Variants in MKNK1 observed in about 807,000 individuals in gnomAD.
The protein encoded by MKNK1 is MAP kinase-interacting serine/threonine-protein kinase 1.
A neutral mutation model predicts 49.3 loss-of-function variants in MKNK1; 30 were observed. The observed-to-expected ratio is 0.61, with a 90% confidence interval of 0.46 to 0.83. The LOEUF is 0.83. Among genes scored for constraint, MKNK1 ranks in the 40% least tolerant of loss-of-function variants. The probability of loss-of-function intolerance (pLI) is 0.00; values close to 1 mark genes in which losing one functional copy is unlikely to be tolerated. For synonymous variants in MKNK1, 176 were observed against 201.7 expected, an observed-to-expected ratio of 0.87 and a Z score of 1.08; for missense variants, 423 against 524.7, an observed-to-expected ratio of 0.81 and a Z score of 1.89.
chr1:46,578,343 C>G (rs1247991735), intron 4 of MKNK1, among the ~76,000 whole-genome samples: 1 of 152,082 alleles, frequency 6.6e-6, no homozygotes, highest in Non-Finnish European at 1.5e-5. Flanking sequence ...AGTAGCCCAT[C>G]TCTAGGGAGC....
In MKNK1 at chr1:46,580,536, G is replaced by A. The variant is rs1213044747; in HGVS notation, c.192C>T (p.Ala64=). 3.1e-6 allele frequency: 5 copies of A among 1,611,398 alleles called. No homozygotes were observed. The highest frequency in any genetic ancestry group is 1.3e-5 in the African/African-American group (1 of 74,830). Residue 64 remains alanine (A), a synonymous_variant, in exon 4 of 13, where the codon GCC becomes GCT. Coordinates refer to ENST00000371945, the MANE Select transcript of MKNK1 (RefSeq NM_001135553.4). ...AVSLQNGKEY[A]VKIIEKQAGH... ...ATTCAGCTGAGACACTCACTTTGAC[G>A]GCATACTCTTTGCCATTCTGTAGGC... is the stretch of plus-strand genomic sequence containing the variant.
At chr1:46,592,108 C>T (rs1243605710) in intron 2 of MKNK1, among the ~76,000 whole-genome samples, 1 of 152,180 alleles carries the variant, frequency 6.6e-6, no homozygotes, top group Non-Finnish European at 1.5e-5. Context: ...GTTGTGGTGG[C>T]AGGTGTCTCT....
intron 6 of MKNK1, chr1:46,573,923 G>C (rs945263939): frequency 6.6e-6 from 1 of 151,998 alleles, no homozygotes; most frequent in Non-Finnish European, 1.5e-5. Context: ...TAGTAGAGCC[G>C]GGTTTCACCA....
At chr1:46,597,296 A>C (rs2148770053) in intron 1 of MKNK1, among the ~76,000 whole-genome samples, 1 of 128,694 alleles carries the variant, frequency 7.8e-6, no homozygotes, top group Middle Eastern at 4.0e-3. Context: ...CAGACGTTTT[A>C]GAGCAAAAAA....
At chr1:46,568,782 CAAG>C (rs1352702518) in intron 7 of MKNK1, 8 of 453,746 alleles carry the variant, frequency 1.8e-5, no homozygotes, top group South Asian at 4.4e-5. Flanking sequence ...CAGTGACCAC[CAAG>C]AAGAAGGCCT....
At chr1:46,580,358 G>C in intron 4 of MKNK1, 172 bp downstream of exon 4, 1 of 600,114 alleles carries the variant, frequency 1.7e-6, no homozygotes, top group Non-Finnish European at 3.0e-6. Context: ...GAAGGACAGA[G>C]AAGTTAAGTA....
chr1:46,594,062 T>C (rs1401763863), intron 2 of MKNK1, 51 bp downstream of exon 2: 1 of 1,422,474 alleles, frequency 7.0e-7, no homozygotes, highest in Non-Finnish European at 9.9e-7. Context: ...ATCAGATCAT[T>C]TCAATTTGAA....
At chr1:46,587,006 C>T (rs1672671616) in intron 2 of MKNK1, among the ~76,000 whole-genome samples, 3 of 152,182 alleles carry the variant, frequency 2.0e-5, no homozygotes, top group South Asian at 2.1e-4. Flanking sequence ...GACGGGGTTT[C>T]GCCATGTTGG....
intron 2 of MKNK1, chr1:46,585,971 G>C: frequency 7.4e-7 from 1 of 1,352,850 alleles, no homozygotes; most frequent in African/African-American, 1.5e-5. Context: ...AGTTGTTTCT[G>C]AAACTAGGAA....
chr1:46,588,905 C>T (rs1672982017), intron 2 of MKNK1, among the ~76,000 whole-genome samples: 2 of 152,142 alleles, frequency 1.3e-5, no homozygotes, highest in Non-Finnish European at 1.5e-5. Context: ...CTATGGCTCT[C>T]CTCCACTGCA....
chr1:46,573,416 A>G (rs1191280543), intron 6 of MKNK1, among the ~76,000 whole-genome samples: 5 of 152,248 alleles, frequency 3.3e-5, no homozygotes, highest in Non-Finnish European at 7.3e-5. Flanking sequence ...GCAGGGGCAG[A>G]CACAGGCAGG....
At chr1:46,575,897 G>T (rs1000530246) in intron 5 of MKNK1, 2 of 152,234 alleles carry the variant, frequency 1.3e-5, no homozygotes, top group African/African-American at 4.8e-5. Flanking sequence ...GCAGTGCCTG[G>T]AGTTAAATCA....
chr1:46,584,640 T>C (rs1672245404), intron 2 of MKNK1: 1 of 152,164 alleles, frequency 6.6e-6, no homozygotes, highest in Non-Finnish European at 1.5e-5. Context: ...GACTGATTAG[T>C]GCTCATGCAG....
At position 46,558,171 on chromosome 1, in the gene MKNK1, A is replaced by C; in HGVS notation, c.*404T>G. Reference sequence around the variant, plus strand: ...AGGAGGGTGACAGAGAAGAGAGGGAAGAGGCACGTGTCGGCAGCCTCTGTC... The same window carrying C: ...AGGAGGGTGACAGAGAAGAGAGGGACGAGGCACGTGTCGGCAGCCTCTGTC... On this transcript the variant is annotated 3_prime_UTR_variant, in exon 13 of 13. Coordinates refer to ENST00000371945, the MANE Select transcript of MKNK1 (RefSeq NM_001135553.4). 2 of 171,450 alleles carry C rather than the reference A, an allele frequency of 1.2e-5. No individual in the cohort carries two copies. The highest frequency in any genetic ancestry group is 2.5e-5 in the Non-Finnish European group (2 of 79,892). The allele number at this position is 171,450 out of a possible 1,614,324, so 10.6% of individuals were successfully genotyped here.
At chr1:46,584,741 T>C (rs909688109) in intron 2 of MKNK1, 2 of 152,190 alleles carry the variant, frequency 1.3e-5, no homozygotes, top group Non-Finnish European at 2.9e-5. Context: ...CCAGAAAGCA[T>C]GGTTACGCAG....
chr1:46,571,689 TC>T (rs1380690657), intron 7 of MKNK1: 1 of 349,508 alleles, frequency 2.9e-6, no homozygotes, highest in East Asian at 8.0e-5. Flanking sequence ...ATCAAGATAT[TC>T]ACACTAAGAA....
chr1:46,564,633 T>C (rs1022918792), intron 9 of MKNK1, among the ~76,000 whole-genome samples: 1 of 151,914 alleles, frequency 6.6e-6, no homozygotes, highest in African/African-American at 2.4e-5. Context: ...CGCGCCACCA[T>C]GCCTGGCTAA....
At chr1:46,566,229 C>CA (rs556670702) in intron 8 of MKNK1, among the ~76,000 whole-genome samples, 183 of 152,326 alleles carry the variant, frequency 1.2e-3, no homozygotes, top group African/African-American at 4.2e-3. Flanking sequence ...CCAGATATTT[C>CA]ATATAAGTAG....
At chr1:46,567,628 A>AT (rs972505080) in intron 8 of MKNK1, among the ~76,000 whole-genome samples, 12 of 152,348 alleles carry the variant, frequency 7.9e-5, no homozygotes, top group Admixed American at 2.6e-4. Flanking sequence ...TGACTCATTC[A>AT]TTCAAGGCCA....
Sources: allele counts gnomAD v4.1 joint callset (sites outside exome capture counted in the v4.1 genomes callset), GRCh38; gene constraint gnomAD v4.1.1; transcripts MANE v1.5; gene names NCBI Gene and HGNC (gene_info 2026-07-23, HGNC 2026-07-21).